The following BIN1 variants were observed in gnomAD, a reference collection of about 807,000 sequenced individuals.
The protein encoded by BIN1 is bridging integrator 1.
Under a neutral mutation model 82.0 loss-of-function variants are expected in BIN1, and 53 were observed. That is an observed-to-expected ratio of 0.65 (90% confidence interval 0.52 to 0.81). The LOEUF is 0.81. Among genes scored for constraint, BIN1 ranks in the 40% least tolerant of loss-of-function variants. The probability of loss-of-function intolerance (pLI) is 0.00; values close to 1 mark genes in which losing one functional copy is unlikely to be tolerated. For synonymous variants in BIN1, 302 were observed against 328.0 expected, an observed-to-expected ratio of 0.92 and a Z score of 0.86; for missense variants, 642 against 784.4, an observed-to-expected ratio of 0.82 and a Z score of 2.17.
intron 1 of BIN1, among the ~76,000 whole-genome samples, chr2:127,103,467 G>C (rs1253875125): frequency 6.6e-6 from 1 of 152,102 alleles, no homozygotes; most frequent in Non-Finnish European, 1.5e-5. Context: ...TGCCCAGCTG[G>C]CCCTCCCCAC....
chr2:127,060,018 T>A (rs1684231773), intron 10 of BIN1, among the ~76,000 whole-genome samples: 1 of 152,144 alleles, frequency 6.6e-6, no homozygotes, highest in Non-Finnish European at 1.5e-5. Flanking sequence ...CTGGCCAGTT[T>A]CAAGTGCTCA....
In BIN1 at chr2:127,067,225, GC is replaced by G. The variant is rs1163854466; in HGVS notation, c.612+937del. The stretch of plus-strand genomic sequence containing the variant: ...CCCAGAGAGAAACCCAACCTCCGGG[GC>G]CGGGCCCCTATCGCCAGCCTCTCGG... On this transcript the variant is annotated intron_variant, in intron 7 of 18. Coordinates refer to ENST00000316724, the MANE Select transcript of BIN1 (RefSeq NM_139343.3). This position sits in a 1 kb window ranked among gnomAD's most constrained non-coding sequence, Gnocchi z 4.7. Among the ~76,000 whole-genome samples the G allele has an allele frequency of 6.6e-6, 1 of 152,166 alleles. No homozygotes were observed. The highest frequency in any genetic ancestry group is 1.5e-5 in the Non-Finnish European group (1 of 68,038).
At chr2:127,053,372 G>A (rs766353114) in intron 14 of BIN1, 50 bp downstream of exon 14, 69 of 1,611,086 alleles carry the variant, frequency 4.3e-5, no homozygotes, top group African/African-American at 2.1e-4. Context: ...GGACACATAC[G>A]GAAGAGTGGC....
intron 12 of BIN1, chr2:127,055,868 A>G (rs1049702319): frequency 6.8e-6 from 1 of 146,536 alleles, no homozygotes; most frequent in African/African-American, 2.5e-5. Context: ...CCCCTGCCCC[A>G]TGCCCCACCC....
At position 127,048,324 on chromosome 2, in the gene BIN1, TG is replaced by T. The variant is rs1682432612; in HGVS notation, c.*201del. The T allele has an allele frequency of 1.7e-6, 1 of 584,476 alleles. No homozygotes were observed. Among genetic ancestry groups the T allele is most frequent in the Non-Finnish European group, 3.1e-6 (1 of 327,764 alleles). The allele number at this position is 584,476 out of a possible 1,614,324, so 36.2% of individuals were successfully genotyped here. A position where few individuals can be genotyped will look rare whatever the true frequency, so the allele number is the denominator to read the frequency against. ...GACACAGCAGCTTCAGGAACACTGG[TG>T]AATTCCGCCGGACTTGCCGGGACGC... On this transcript the variant is annotated 3_prime_UTR_variant, in exon 19 of 19. Coordinates refer to ENST00000316724, the MANE Select transcript of BIN1 (RefSeq NM_139343.3).
intron 1 of BIN1, among the ~76,000 whole-genome samples, chr2:127,087,640 G>A (rs1022186801): frequency 2.0e-5 from 3 of 152,220 alleles, no homozygotes; most frequent in Admixed American, 6.5e-5. Context: ...CAGGACGGAC[G>A]GCAGAGCAGG....
At position 127,090,101 on chromosome 2, in the gene BIN1, AC is replaced by A. The variant is rs1326580742; in HGVS notation, c.85-13396del. 6.9e-6 allele frequency among the ~76,000 whole-genome samples: 1 copy of A among 144,778 alleles called. No individual in the cohort carries two copies. Among genetic ancestry groups the A allele is most frequent in the African/African-American group, 2.6e-5 (1 of 38,466 alleles). 95.0% of individuals were successfully genotyped at this position (144,778 alleles called of 152,430 possible). Reference sequence around the variant, plus strand: ...TTCCTTGGAACAGCATATACCAACCACCCCCCTTCCTCTCTCCAATCAAGCT... The same window carrying A: ...TTCCTTGGAACAGCATATACCAACCACCCCCTTCCTCTCTCCAATCAAGCT... On this transcript the variant is annotated intron_variant, in intron 1 of 18. Coordinates refer to ENST00000316724, the MANE Select transcript of BIN1 (RefSeq NM_139343.3). The surrounding 1 kb of genome is among the most constrained non-coding windows in gnomAD (Gnocchi z 6.4).
chr2:127,085,670 C>T (rs755643414), intron 1 of BIN1, among the ~76,000 whole-genome samples: 6 of 152,148 alleles, frequency 3.9e-5, no homozygotes, highest in African/African-American at 7.2e-5. Context: ...GGTGGCCAGA[C>T]GCACCCCCAG....
At chr2:127,079,175 G>C (rs1021570310) in intron 1 of BIN1, among the ~76,000 whole-genome samples, 3 of 152,244 alleles carry the variant, frequency 2.0e-5, no homozygotes, top group Non-Finnish European at 2.9e-5. Context: ...CAGACAGCTG[G>C]AGAACTGGGG....
intron 1 of BIN1, among the ~76,000 whole-genome samples, chr2:127,091,173 G>A (rs1382025739): frequency 6.6e-6 from 1 of 152,152 alleles, no homozygotes; most frequent in Non-Finnish European, 1.5e-5. Context: ...TGAATGCCCA[G>A]AGTCAGCTTT....
rs1333940479 is a variant in BIN1 at position 127,061,046 on chromosome 2, C to CT, written c.857+1068dup. On this transcript the variant is annotated intron_variant, in intron 10 of 18. Transcript: ENST00000316724. ...TACTGCCCCTCTCTCTTCCCTCCAC[C>CT]TCCTTCCTGAGGGGAGCCATGGTTC... 1.5e-4 allele frequency among the ~76,000 whole-genome samples: 23 copies of CT among 152,304 alleles called. No homozygotes were observed. The South Asian group carries it at 4.6e-3, about 30-fold the overall frequency.
chr2:127,084,430 C>T (rs1258137882), intron 1 of BIN1, among the ~76,000 whole-genome samples: 1 of 152,216 alleles, frequency 6.6e-6, no homozygotes. Context: ...CGGACACGTC[C>T]TCATTCATCT....
chr2:127,077,918 G>A (rs568514140), intron 1 of BIN1, among the ~76,000 whole-genome samples: 2 of 152,198 alleles, frequency 1.3e-5, no homozygotes, highest in African/African-American at 4.8e-5. Flanking sequence ...GGATGGGAGT[G>A]GAAAGCAAAG....
intron 12 of BIN1, chr2:127,055,737 C>T (rs1683569438): frequency 6.6e-6 from 1 of 152,286 alleles, no homozygotes; most frequent in South Asian, 2.1e-4. Context: ...TGTGCTGCCC[C>T]GGCAGGTGGC....
chr2:127,077,488 G>A (rs1055822582), intron 1 of BIN1, among the ~76,000 whole-genome samples: 1 of 152,136 alleles, frequency 6.6e-6, no homozygotes, highest in African/African-American at 2.4e-5. Context: ...CACCAGGAGA[G>A]GGGAAAGCTC....
At chr2:127,092,401 C>T (rs943149753) in intron 1 of BIN1, among the ~76,000 whole-genome samples, 6 of 152,180 alleles carry the variant, frequency 3.9e-5, no homozygotes, top group African/African-American at 1.4e-4. Context: ...AGGTGCCATC[C>T]CTCCCTGGGC....
chr2:127,099,577 G>C (rs1401347276), intron 1 of BIN1, among the ~76,000 whole-genome samples: 4 of 152,198 alleles, frequency 2.6e-5, no homozygotes, highest in Non-Finnish European at 5.9e-5. Context: ...GCAGTGACAC[G>C]ATCTGGGCTC....
intron 2 of BIN1, among the ~76,000 whole-genome samples, chr2:127,075,217 A>G (rs974595297): frequency 3.4e-5 from 5 of 146,604 alleles, no homozygotes; most frequent in Admixed American, 3.3e-4. Context: ...CCTCATCTGC[A>G]AAATGAGAAT....
chr2:127,071,515 C>T (rs1183432178), intron 2 of BIN1, among the ~76,000 whole-genome samples: 1 of 152,152 alleles, frequency 6.6e-6, no homozygotes, highest in Non-Finnish European at 1.5e-5. Context: ...CCTCCAGGGG[C>T]TTCCTGAGAC....
Sources: gnomAD v4.1 joint callset for allele counts (sites outside exome capture counted in the v4.1 genomes callset) on GRCh38, gnomAD v4.1.1 for gene constraint, Gnocchi (gnomAD v3.1) non-coding constraint, MANE v1.5 for transcripts, NCBI Gene and HGNC (gene_info 2026-07-23, HGNC 2026-07-21) for gene names.